POLR3K: variants seen among roughly 807,000 people sequenced by gnomAD.
The protein encoded by POLR3K is DNA-directed RNA polymerase III subunit RPC10.
Under a neutral mutation model 13.5 loss-of-function variants are expected in POLR3K, and 11 were observed. That is an observed-to-expected ratio of 0.81 (90% CI 0.51 to 1.35). POLR3K has a LOEUF of 1.35. Among genes scored for constraint, POLR3K ranks in the 40% most tolerant of loss-of-function variants. The pLI is 0.00. For missense variants in POLR3K, 144 were observed against 145.3 expected (o/e 0.99, Z 0.05); for synonymous variants, 56 against 51.5 (o/e 1.09, Z -0.38).
rs1167723499 is a variant in POLR3K at position 48,810 on chromosome 16, CA to C, written c.200-1254del. ...TGGGCAACAGAGTGAGACTCCATCT[CA>C]AAAAAAAAAAAGAATTGAGCATTAA... is the stretch of plus-strand genomic sequence containing the variant. On this transcript the variant is annotated intron_variant, in intron 2 of 2. Transcript: ENST00000293860. 3.5e-3 allele frequency among the ~76,000 whole-genome samples: 467 copies of C among 131,864 alleles called. 8 individuals are homozygous for C. The East Asian group carries it at 0.044, about 13-fold the overall frequency. The allele number at this position is 131,864 out of a possible 152,430, so 86.5% of individuals were successfully genotyped here.
At chr16:48,398 T>C (rs1207490905) in intron 2 of POLR3K, among the ~76,000 whole-genome samples, 1 of 152,136 alleles carries the variant, frequency 6.6e-6, no homozygotes, top group Non-Finnish European at 1.5e-5. Context: ...AAACGTAACA[T>C]GGAAGGTGAC....
intron 2 of POLR3K, among the ~76,000 whole-genome samples, chr16:49,478 C>T (rs1897311597): frequency 6.7e-6 from 1 of 149,070 alleles, no homozygotes; most frequent in Admixed American, 6.7e-5. Flanking sequence ...CTATTTCTGA[C>T]ATTAGGTAAA....
intron 2 of POLR3K, among the ~76,000 whole-genome samples, chr16:50,055 T>C (rs1005695359): frequency 2.0e-5 from 3 of 151,808 alleles, no homozygotes; most frequent in African/African-American, 7.3e-5. Context: ...ACTTCCCGGG[T>C]TCAAGCGATT....
chr16:46,917 C>G lies in POLR3K; in HGVS notation c.*513G>C, dbSNP rs1029630006. 6.6e-6 allele frequency: 1 copy of G among 152,048 alleles called. No homozygotes were observed. Among genetic ancestry groups the G allele is most frequent in the Non-Finnish European group, 1.5e-5 (1 of 68,042 alleles). 9.4% of individuals were successfully genotyped at this position (152,048 alleles called of 1,614,324 possible). ...TTCAAATGTAAGTATGTAGTCTATT[C>G]TGGGATCACTGTGATTTGGGGTTTG... On this transcript the variant is annotated 3_prime_UTR_variant, in exon 3 of 3. Coordinates refer to ENST00000293860, the MANE Select transcript of POLR3K (RefSeq NM_016310.5).
chr16:48,776 A>G (rs1897305697), intron 2 of POLR3K, among the ~76,000 whole-genome samples: 1 of 150,362 alleles, frequency 6.7e-6, no homozygotes, highest in Non-Finnish European at 1.5e-5. Context: ...GCGCCACTGC[A>G]CTCCAGCTTG....
At position 47,325 on chromosome 16, in the gene POLR3K, C is replaced by T; in HGVS notation, c.*105G>A. ...TCACCTCAAAAGGTTTATCTTTCCACCACACTAGCAAAGACCCTCAGGACA... is the reference window on the plus strand; with the variant it reads ...TCACCTCAAAAGGTTTATCTTTCCATCACACTAGCAAAGACCCTCAGGACA... On this transcript the variant is annotated 3_prime_UTR_variant, in exon 3 of 3. Transcript: ENST00000293860. The T allele has an allele frequency of 1.4e-6, 2 of 1,415,972 alleles. No homozygotes were observed. The highest frequency in any genetic ancestry group is 9.5e-7 in the Non-Finnish European group (1 of 1,053,568). 87.7% of individuals were successfully genotyped at this position (1,415,972 alleles called of 1,614,324 possible).
intron 1 of POLR3K, among the ~76,000 whole-genome samples, chr16:52,698 A>G (rs1419299458): frequency 3.5e-5 from 5 of 144,594 alleles, no homozygotes; most frequent in African/African-American, 5.1e-5. Context: ...CCCGGGAGGC[A>G]GAGCTTGCAG....
chr16:47,485 A>C lies in POLR3K; in HGVS notation c.272T>G (p.Met91Arg). 1.2e-6 allele frequency: 2 copies of C among 1,613,728 alleles called. No individual in the cohort carries two copies. Among genetic ancestry groups the C allele is most frequent in the Non-Finnish European group, 1.7e-6 (2 of 1,179,716 alleles). Residue 91 changes from methionine to arginine, a missense_variant, in exon 3 of 3, where the codon ATG (methionine) becomes AGG (arginine). Physicochemically the swap from Met to Arg is moderately conservative, Grantham distance 91 (BLOSUM62 -1). Transcript: ENST00000293860. ...ATTGCAGCACTTGTAGAAGGTGGTCATCGGCTCATCTGCAGAGCGGGTCTG... is the reference window on the plus strand; with the variant it reads ...ATTGCAGCACTTGTAGAAGGTGGTCCTCGGCTCATCTGCAGAGCGGGTCTG... ...QLQTRSADEP[M>R]TTFYKCCNAQ... is the part of the protein sequence containing the mutation.
At position 47,431 on chromosome 16, in the gene POLR3K, T is replaced by G; in HGVS notation, c.326A>C (p.Ter109SerextTer29). Residue 109 changes from the stop codon to serine (S), a stop_lost, in exon 3 of 3, where the codon TAG becomes TCG. Coordinates refer to ENST00000293860, the MANE Select transcript of POLR3K (RefSeq NM_016310.5). ...TAGGGCAGCTGGGCCATCCTGGCCC[T>G]AATCCCTCCAGCGGTGTCCACACTG... ...NAQCGHRWRD[*>S] The G allele has an allele frequency of 6.2e-7, 1 of 1,612,472 alleles. No homozygotes were observed. Among genetic ancestry groups the G allele is most frequent in the Non-Finnish European group, 8.5e-7 (1 of 1,178,930 alleles).
intron 1 of POLR3K, chr16:53,144 G>C (rs1361644297): frequency 7.1e-6 from 2 of 283,150 alleles, no homozygotes; most frequent in South Asian, 8.5e-5. Context: ...GGAGAACTCC[G>C]GCTTTTCGTC....
intron 2 of POLR3K, among the ~76,000 whole-genome samples, chr16:49,255 A>G (rs1897309943): frequency 1.3e-5 from 2 of 151,562 alleles, no homozygotes; most frequent in South Asian, 2.1e-4. Flanking sequence ...CCTTATCAAC[A>G]TGGAGAAACC....
chr16:52,609 C>CA lies in POLR3K; in HGVS notation c.111+866dup, dbSNP rs1356139877. Among the ~76,000 whole-genome samples, 5 of 149,452 alleles carry CA rather than the reference C, an allele frequency of 3.3e-5. No homozygotes were observed. In the East Asian group the frequency reaches 5.9e-4, roughly 18 times the overall value. On this transcript the variant is annotated intron_variant, in intron 1 of 2. Transcript: ENST00000293860. The stretch of plus-strand genomic sequence containing the variant: ...TGAAACCCCATCTCTACTAAAAATA[C>CA]AAAAAAATCAGCCAGGGGTGGTGGC...
intron 1 of POLR3K, 184 bp downstream of exon 1, chr16:53,292 G>T: frequency 8.2e-7 from 1 of 1,214,364 alleles, no homozygotes; most frequent in Non-Finnish European, 1.1e-6. Context: ...AAGGCGGTGG[G>T]AAACGGTGGG....
At position 53,270 on chromosome 16, in the gene POLR3K, G is replaced by A. The variant is rs999389845; in HGVS notation, c.111+206C>T. 10 of 1,034,738 alleles carry A rather than the reference G, an allele frequency of 9.7e-6. No homozygotes were observed. In the South Asian group the frequency reaches 1.8e-4, roughly 19 times the overall value. The allele number at this position is 1,034,738 out of a possible 1,614,324, so 64.1% of individuals were successfully genotyped here. A position where few individuals can be genotyped will look rare whatever the true frequency, so the allele number is the denominator to read the frequency against. On this transcript the variant is annotated intron_variant, in intron 1 of 2. Coordinates refer to ENST00000293860, the MANE Select transcript of POLR3K (RefSeq NM_016310.5). ...AACGCAGAGAAGGGCGCGAGCGTGG[G>A]AGCAGGAACCCAAGGCGGTGGGAAA...
chr16:52,571 G>A (rs1052031296), intron 1 of POLR3K, among the ~76,000 whole-genome samples: 1 of 150,372 alleles, frequency 6.7e-6, no homozygotes, highest in Non-Finnish European at 1.5e-5. Context: ...AGACCGTCCT[G>A]GCTAACACAC....
intron 1 of POLR3K, among the ~76,000 whole-genome samples, chr16:52,748 A>T (rs1312385076): frequency 7.2e-6 from 1 of 139,758 alleles, no homozygotes; most frequent in African/African-American, 2.7e-5. Flanking sequence ...CCTGGGCGAC[A>T]GAGCGGGACT....
intron 1 of POLR3K, among the ~76,000 whole-genome samples, chr16:52,430 G>C (rs1897342159): frequency 8.4e-6 from 1 of 119,696 alleles, no homozygotes; most frequent in African/African-American, 3.3e-5. Flanking sequence ...CTGGGAAACA[G>C]AGCGAGACTC....
intron 1 of POLR3K, 75 bp downstream of exon 1, chr16:53,401 C>G (rs527678968): frequency 6.6e-7 from 1 of 1,507,822 alleles, no homozygotes. Flanking sequence ...GGGCTGGCGG[C>G]GATGGAGCAG....
intron 2 of POLR3K, 82 bp from the exon 3 acceptor site, chr16:47,639 TG>T (rs1897295933): frequency 2.7e-6 from 4 of 1,469,850 alleles, no homozygotes; most frequent in African/African-American, 1.4e-5. Flanking sequence ...ACTTAATATG[TG>T]GGAGGCCAAG....
Sources: gnomAD v4.1 joint callset for allele counts (sites outside exome capture counted in the v4.1 genomes callset) on GRCh38, gnomAD v4.1.1 for gene constraint, MANE v1.5 for transcripts, NCBI Gene and HGNC (gene_info 2026-07-23, HGNC 2026-07-21) for gene names.